The following FMNL2 variants were observed in gnomAD, a reference collection of about 807,000 sequenced individuals.
FMNL2 encodes the protein formin like 2, also known as formin-like protein 2.
FMNL2 carries 51 observed loss-of-function variants against 130.2 expected under a neutral mutation model. The ratio of observed to expected loss-of-function variants is 0.39; its 90% CI spans 0.31 to 0.49. The LOEUF (loss-of-function observed/expected upper bound fraction) is 0.49, where lower values mean the gene tolerates loss of function less well. FMNL2 is among the 20% of genes least tolerant of loss of function. FMNL2 has a pLI of 0.85. For synonymous variants in FMNL2, 465 were observed against 467.1 expected (o/e 1.00, Z 0.06); for missense variants, 977 against 1,316.2 (o/e 0.74, Z 3.99).
chr2:152,422,578 G>GTAAT, intron 1 of FMNL2, among the ~76,000 whole-genome samples: 1 of 152,282 alleles, frequency 6.6e-6, no homozygotes, highest in Admixed American at 6.5e-5. Flanking sequence ...AAGCTGAAGT[G>GTAAT]TAATGACACC....
intron 3 of FMNL2, among the ~76,000 whole-genome samples, chr2:152,543,996 A>T (rs1038653863): frequency 1.3e-5 from 2 of 152,184 alleles, no homozygotes; most frequent in African/African-American, 4.8e-5. Context: ...TCTTTCTAAA[A>T]GACCTGTTGT....
chr2:152,459,564 CT>C (rs1453514335), intron 1 of FMNL2, among the ~76,000 whole-genome samples: 21 of 152,260 alleles, frequency 1.4e-4, no homozygotes, highest in African/African-American at 4.8e-4. Context: ...CCTTTTATTA[CT>C]TTTCCTATCA....
intron 25 of FMNL2, chr2:152,643,976 T>C: frequency 1.2e-6 from 1 of 818,810 alleles, no homozygotes; most frequent in Non-Finnish European, 1.5e-6. Context: ...ACGCCTGTAA[T>C]TCCAGTACTT....
At chr2:152,554,860 A>G (rs1418088996) in intron 4 of FMNL2, among the ~76,000 whole-genome samples, 1 of 152,194 alleles carries the variant, frequency 6.6e-6, no homozygotes, top group African/African-American at 2.4e-5. Flanking sequence ...TCGCAACTCA[A>G]ACAATTTCAC....
intron 1 of FMNL2, among the ~76,000 whole-genome samples, chr2:152,483,621 C>T (rs1690653618): frequency 6.6e-6 from 1 of 152,196 alleles, no homozygotes; most frequent in African/African-American, 2.4e-5. Context: ...CCTTTGTGCC[C>T]TCCTTCCCTG....
chr2:152,377,276 T>C (rs2105883087), intron 1 of FMNL2, among the ~76,000 whole-genome samples: 1 of 152,372 alleles, frequency 6.6e-6, no homozygotes, highest in Middle Eastern at 3.4e-3. Context: ...CTTGTAACTG[T>C]TGGTATCTAT....
intron 13 of FMNL2, among the ~76,000 whole-genome samples, chr2:152,618,145 C>G (rs564669224): frequency 6.6e-6 from 1 of 152,154 alleles, no homozygotes; most frequent in Admixed American, 6.5e-5. Flanking sequence ...TGGGCCCCCC[C>G]CTTATAAAAG....
At chr2:152,496,371 TATC>T (rs1179886381) in intron 1 of FMNL2, among the ~76,000 whole-genome samples, 4 of 152,186 alleles carry the variant, frequency 2.6e-5, no homozygotes, top group African/African-American at 9.6e-5. Context: ...ATTAGTGCAT[TATC>T]ATCACATGCC....
chr2:152,643,381 C>A lies in FMNL2; in HGVS notation c.3169+2467C>A, dbSNP rs1309362405. The stretch of plus-strand genomic sequence containing the variant: ...GCAATAGATCTTGGCTTTTTATTCT[C>A]TTCTGTTTGTGTTGTTTGGCTGTCA... On this transcript the variant is annotated intron_variant, in intron 25 of 25. Transcript: ENST00000288670. 3 of 1,535,290 alleles carry A rather than the reference C, an allele frequency of 2.0e-6. No homozygotes were observed. In the African/African-American group the frequency reaches 4.1e-5, roughly 21 times the overall value.
intron 4 of FMNL2, among the ~76,000 whole-genome samples, chr2:152,558,011 A>T (rs1189683731): frequency 6.6e-6 from 1 of 152,164 alleles, no homozygotes; most frequent in Non-Finnish European, 1.5e-5. Flanking sequence ...TTGACCTCCC[A>T]TCAGGATTAT....
At chr2:152,353,684 A>G (rs1471031582) in intron 1 of FMNL2, among the ~76,000 whole-genome samples, 3 of 152,238 alleles carry the variant, frequency 2.0e-5, no homozygotes, top group Non-Finnish European at 2.9e-5. Context: ...TGTTATGGAT[A>G]TTAAGTGATA....
rs1183976356 is a variant in FMNL2, at chr2:152,591,294, C to G, written c.876+10245C>G. Among the ~76,000 whole-genome samples the G allele has an allele frequency of 2.6e-5, 4 of 152,094 alleles. No individual in the cohort carries two copies. In the East Asian group the frequency reaches 5.8e-4, roughly 22 times the overall value. ...AAAGTGCTAGGATTACAGGCGTGAG[C>G]CACTGCGCCCGGCCTCCCTCTGGTA... On this transcript the variant is annotated intron_variant, in intron 9 of 25. Transcript: ENST00000288670.
intron 2 of FMNL2, among the ~76,000 whole-genome samples, chr2:152,525,143 T>A (rs993111354): frequency 7.9e-5 from 12 of 152,190 alleles, no homozygotes; most frequent in Admixed American, 3.3e-4. Flanking sequence ...ACTCACAAGC[T>A]TTTTCATTTG....
Position 152,589,997 on chromosome 2 carries a change from G to GTA in FMNL2, c.876+8959_876+8960dup, listed in dbSNP as rs1325819402. On this transcript the variant is annotated intron_variant, in intron 9 of 25. Transcript: ENST00000288670. ...TATATATATATATGTATATGTATAT[G>GTA]TATATATATATACATATACATATAT... is the stretch of plus-strand genomic sequence containing the variant. Among the ~76,000 whole-genome samples the GTA allele has an allele frequency of 9.4e-3, 620 of 65,918 alleles. 15 individuals are homozygous for GTA. The highest frequency in any genetic ancestry group is 0.036 in the African/African-American group (589 of 16,202). 43.2% of individuals were successfully genotyped at this position (65,918 alleles called of 152,430 possible).
At chr2:152,526,691 C>T (rs1316471156) in intron 2 of FMNL2, among the ~76,000 whole-genome samples, 1 of 152,056 alleles carries the variant, frequency 6.6e-6, no homozygotes, top group Non-Finnish European at 1.5e-5. Flanking sequence ...CTGTTTAATT[C>T]TTTTCAAATT....
chr2:152,625,133 T>C (rs1284119896), intron 15 of FMNL2: 1 of 285,456 alleles, frequency 3.5e-6, no homozygotes, highest in East Asian at 5.7e-5. Flanking sequence ...GTCCCAACCA[T>C]TGTCCTAATA....
chr2:152,627,984 A>G (rs955701428), intron 17 of FMNL2, among the ~76,000 whole-genome samples: 1 of 152,146 alleles, frequency 6.6e-6, no homozygotes, highest in African/African-American at 2.4e-5. Context: ...CCTTGGTTCT[A>G]CCTCTTCCTA....
At chr2:152,639,022 T>G (rs1458416029) in intron 23 of FMNL2, among the ~76,000 whole-genome samples, 2 of 148,722 alleles carry the variant, frequency 1.3e-5, no homozygotes, top group African/African-American at 2.5e-5. Context: ...AGCCTGTCCA[T>G]CAGCGTGCTC....
Position 152,374,854 on chromosome 2 carries a change from G to A in FMNL2, c.117+39134G>A, listed in dbSNP as rs1684072930. 5.9e-5 allele frequency among the ~76,000 whole-genome samples: 9 copies of A among 152,306 alleles called. No individual in the cohort carries two copies. In the South Asian group the frequency reaches 1.9e-3, roughly 32 times the overall value. On this transcript the variant is annotated intron_variant, in intron 1 of 25. Coordinates refer to ENST00000288670, the MANE Select transcript of FMNL2 (RefSeq NM_052905.4). ...TCCTGCTCACCCTTATAGACTATAT[G>A]AGAGGGTCCCTAGGTCTCACTTTCA...
Sources: allele counts gnomAD v4.1 joint callset (sites outside exome capture counted in the v4.1 genomes callset), GRCh38; gene constraint gnomAD v4.1.1; transcripts MANE v1.5; gene names NCBI Gene and HGNC (gene_info 2026-07-23, HGNC 2026-07-21).